The following TRIM2 variants were observed in gnomAD, a reference collection of about 807,000 sequenced individuals.
TRIM2 encodes the protein tripartite motif containing 2.
Under a neutral mutation model 75.2 loss-of-function variants are expected in TRIM2, and 20 were observed. The ratio of observed to expected loss-of-function variants is 0.27; its 90% CI spans 0.19 to 0.39. The LOEUF (loss-of-function observed/expected upper bound fraction) is 0.39. Ranked by LOEUF, TRIM2 falls within the 10% of genes least tolerant of loss-of-function variation. The pLI is 1.00. For missense variants in TRIM2, 660 were observed against 990.8 expected, an observed-to-expected ratio of 0.67 and a Z score of 4.48; for synonymous variants, 373 against 388.3, an observed-to-expected ratio of 0.96 and a Z score of 0.46.
chr4:153,169,044 A>C (rs1730582050), intron 1 of TRIM2, among the ~76,000 whole-genome samples: 1 of 152,098 alleles, frequency 6.6e-6, no homozygotes, highest in African/African-American at 2.4e-5. Flanking sequence ...GTACCACTGC[A>C]CTCCCACCTG....
In TRIM2 at chr4:153,244,302, TCCTCCTCCTCCTCCTCC is replaced by T. The variant is rs1747878464; in HGVS notation, c.31-26032_31-26016del. On this transcript the variant is annotated intron_variant, in intron 1 of 11. Coordinates refer to ENST00000338700, the MANE Select transcript of TRIM2 (RefSeq NM_015271.5). ...CTCCTCCTCCTCCTCCTCCTCCTCC[TCCTCCTCCTCCTCCTCC>T]TCTTCTTCTTCTTCTTCTTCTTCTT... Among the ~76,000 whole-genome samples the T allele has an allele frequency of 4.8e-5, 2 of 41,372 alleles. 1 individual carries two copies. Among genetic ancestry groups the T allele is most frequent in the Non-Finnish European group, 7.8e-5 (2 of 25,494 alleles). 27.1% of individuals were successfully genotyped at this position (41,372 alleles called of 152,430 possible).
At chr4:153,236,986 GCA>G (rs1745206227) in intron 1 of TRIM2, among the ~76,000 whole-genome samples, 2 of 152,072 alleles carry the variant, frequency 1.3e-5, no homozygotes, top group African/African-American at 4.8e-5. Context: ...GAGCCACCTC[GCA>G]CAGCCAGAGG....
intron 1 of TRIM2, among the ~76,000 whole-genome samples, chr4:153,154,450 C>T (rs1195894039): frequency 3.3e-5 from 5 of 152,212 alleles, no homozygotes; most frequent in Non-Finnish European, 4.4e-5. Flanking sequence ...TCCGTTTCCT[C>T]ATCCATATAA....
intron 10 of TRIM2, among the ~76,000 whole-genome samples, chr4:153,327,271 T>C (rs373444000): frequency 1.3e-5 from 2 of 152,200 alleles, no homozygotes; most frequent in East Asian, 1.9e-4. Flanking sequence ...CATGACTCTT[T>C]CTTTTTTATC....
At chr4:153,200,337 G>A (rs1734206649), upstream of TRIM2, among the ~76,000 whole-genome samples, 1 of 152,098 alleles carries the variant, frequency 6.6e-6, no homozygotes, top group Non-Finnish European at 1.5e-5. Context: ...TTAGCATAAT[G>A]TTTTAGGGAT....
chr4:153,179,001 CA>C (rs1415929965), intron 1 of TRIM2, among the ~76,000 whole-genome samples: 1 of 152,050 alleles, frequency 6.6e-6, no homozygotes, highest in Non-Finnish European at 1.5e-5. Context: ...GCCTGGGCAA[CA>C]AACACAGTGA....
chr4:153,235,049 T>C (rs892300196), intron 1 of TRIM2, among the ~76,000 whole-genome samples: 1 of 152,196 alleles, frequency 6.6e-6, no homozygotes, highest in Non-Finnish European at 1.5e-5. Flanking sequence ...AACACACATA[T>C]GTCTTCAGGT....
At chr4:153,334,730 A>T (rs1468112216) in intron 11 of TRIM2, 84 bp from the exon 12 acceptor site, 1 of 1,259,404 alleles carries the variant, frequency 7.9e-7, no homozygotes, top group Non-Finnish European at 1.1e-6. Flanking sequence ...ACAGAAAAAC[A>T]TTAGCATCAA....
intron 8 of TRIM2, among the ~76,000 whole-genome samples, chr4:153,321,344 T>G (rs1051229645): frequency 1.3e-5 from 2 of 152,130 alleles, no homozygotes; most frequent in Non-Finnish European, 1.5e-5. Context: ...AATAAATAAG[T>G]GAATGAGTGA....
intron 1 of TRIM2, among the ~76,000 whole-genome samples, chr4:153,266,300 G>A (rs1755047598): frequency 6.6e-6 from 1 of 151,384 alleles, no homozygotes; most frequent in African/African-American, 2.4e-5. Context: ...CTCCTGAGCA[G>A]CTGGGACTAT....
intron 11 of TRIM2, among the ~76,000 whole-genome samples, chr4:153,334,116 T>C (rs1772085531): frequency 6.6e-6 from 1 of 152,044 alleles, no homozygotes; most frequent in South Asian, 2.1e-4. Flanking sequence ...GGAAGTGGAA[T>C]AAGTGAAGAT....
chr4:153,207,466 C>A (rs1735801282), intron 1 of TRIM2, among the ~76,000 whole-genome samples: 1 of 152,160 alleles, frequency 6.6e-6, no homozygotes, highest in East Asian at 1.9e-4. Context: ...ATTCCTTCAG[C>A]CAAATAATGG....
chr4:153,311,226 G>T lies in TRIM2; in HGVS notation c.1511-4259G>T, dbSNP rs1356998584. Reference sequence around the variant, plus strand: ...TGCTTATTTCTGTAAAGAACAAAAAGTGTTAGTACTTTTTCCTCATATTTT... The same window carrying T: ...TGCTTATTTCTGTAAAGAACAAAAATTGTTAGTACTTTTTCCTCATATTTT... On this transcript the variant is annotated intron_variant, in intron 6 of 11. Coordinates refer to ENST00000338700, the MANE Select transcript of TRIM2 (RefSeq NM_015271.5). Among the ~76,000 whole-genome samples the T allele has an allele frequency of 3.3e-5, 5 of 152,158 alleles. No individual in the cohort carries two copies. In the East Asian group the frequency reaches 9.6e-4, roughly 29 times the overall value.
intron 1 of TRIM2, chr4:153,266,967 G>A (rs1230841633): frequency 6.7e-6 from 1 of 149,236 alleles, no homozygotes; most frequent in Non-Finnish European, 1.5e-5. Context: ...TCTGTAACTG[G>A]TTGTGATCGG....
intron 1 of TRIM2, among the ~76,000 whole-genome samples, chr4:153,214,063 C>G (rs1478336387): frequency 6.6e-6 from 1 of 151,892 alleles, no homozygotes; most frequent in East Asian, 1.9e-4. Flanking sequence ...AGTGTCTAGA[C>G]AATATCTGTG....
intron 6 of TRIM2, chr4:153,308,224 C>T: frequency 6.7e-7 from 1 of 1,485,854 alleles, no homozygotes; most frequent in Non-Finnish European, 9.4e-7. Context: ...GAGCCATCCT[C>T]TGCTCTTCTA....
At chr4:153,218,715 ATAT>A (rs1739156142) in intron 1 of TRIM2, among the ~76,000 whole-genome samples, 1 of 152,048 alleles carries the variant, frequency 6.6e-6, no homozygotes, top group South Asian at 2.1e-4. Context: ...GTCTTTTCAT[ATAT>A]GGTCTTGAGT....
Position 153,335,622 on chromosome 4 carries a change from C to T in TRIM2, c.*656C>T. 1.0e-6 allele frequency: 1 copy of T among 985,390 alleles called. No individual in the cohort carries two copies. Among genetic ancestry groups the T allele is most frequent in the Non-Finnish European group, 1.2e-6 (1 of 829,928 alleles). 61.0% of individuals were successfully genotyped at this position (985,390 alleles called of 1,614,324 possible). A position where few individuals can be genotyped will look rare whatever the true frequency, so the allele number is the denominator to read the frequency against. On this transcript the variant is annotated 3_prime_UTR_variant, in exon 12 of 12. Transcript: ENST00000338700. ...GATCCTTTTTTGTGTGTTCTTTTCACCACCCCTTTGGCTCACCTTGTATCA... is the reference window on the plus strand; with the variant it reads ...GATCCTTTTTTGTGTGTTCTTTTCATCACCCCTTTGGCTCACCTTGTATCA...
In TRIM2 at chr4:153,244,417, CTTCTTCTTCTTCTTCTTCTTTTA is replaced by C. The variant is rs1560875538; in HGVS notation, c.31-25917_31-25895del. 7.3e-4 allele frequency among the ~76,000 whole-genome samples: 64 copies of C among 87,686 alleles called. 12 individuals carry two copies. The highest frequency in any genetic ancestry group is 3.5e-3 in the African/African-American group (56 of 16,072). 57.5% of individuals were successfully genotyped at this position (87,686 alleles called of 152,430 possible). ...TCTTCTTCTTCTTCTTCTTCTTCTT[CTTCTTCTTCTTCTTCTTCTTTTA>C]ATTAGAGAGGAGGCCTCACTATGTT... is the stretch of plus-strand genomic sequence containing the variant. On this transcript the variant is annotated intron_variant, in intron 1 of 11. Coordinates refer to ENST00000338700, the MANE Select transcript of TRIM2 (RefSeq NM_015271.5).
Sources: allele counts gnomAD v4.1 joint callset (sites outside exome capture counted in the v4.1 genomes callset), GRCh38; gene constraint gnomAD v4.1.1; transcripts MANE v1.5; gene names NCBI Gene and HGNC (gene_info 2026-07-23, HGNC 2026-07-21).